The following SLIT3 variants were observed in gnomAD, a reference collection of about 807,000 sequenced individuals.
The protein encoded by SLIT3 is slit guidance ligand 3.
A neutral mutation model predicts 184.0 loss-of-function variants in SLIT3; 68 were observed. That is an observed-to-expected ratio of 0.37 (90% CI 0.30 to 0.45). The LOEUF is 0.45. Among genes scored for constraint, SLIT3 ranks in the 20% least tolerant of loss-of-function variants. SLIT3 has a pLI of 1.00. For synonymous variants in SLIT3, 831 were observed against 828.6 expected (o/e 1.00, Z -0.05); for missense variants, 1,707 against 2,026.0 (o/e 0.84, Z 3.02).
chr5:168,679,101 C>G (rs1004183324), intron 32 of SLIT3, among the ~76,000 whole-genome samples: 2 of 152,210 alleles, frequency 1.3e-5, no homozygotes, highest in African/African-American at 4.8e-5. Flanking sequence ...CTCTCTCACC[C>G]AGGCTGCAGT....
intron 4 of SLIT3, among the ~76,000 whole-genome samples, chr5:169,091,482 G>A (rs565279643): frequency 1.3e-5 from 2 of 152,222 alleles, no homozygotes; most frequent in Admixed American, 1.3e-4. Flanking sequence ...CCAGGTCAAA[G>A]TTCCTCTGGA....
At chr5:168,694,860 C>T (rs1762006785) in intron 28 of SLIT3, among the ~76,000 whole-genome samples, 1 of 152,238 alleles carries the variant, frequency 6.6e-6, no homozygotes, top group African/African-American at 2.4e-5. Context: ...CTCAGGTGAT[C>T]TGCCTGCCTT....
At chr5:168,862,871 C>T (rs890720923) in intron 5 of SLIT3, among the ~76,000 whole-genome samples, 38 of 152,188 alleles carry the variant, frequency 2.5e-4, no homozygotes, top group Non-Finnish European at 4.4e-5. Context: ...GACGGGATTT[C>T]ACCATGTTGG....
At chr5:169,199,863 G>T (rs2077337) in intron 3 of SLIT3, among the ~76,000 whole-genome samples, 1 of 152,134 alleles carries the variant, frequency 6.6e-6, no homozygotes, top group East Asian at 1.9e-4. Flanking sequence ...AGTCCTTTGC[G>T]TCCCAACAGT....
intron 4 of SLIT3, among the ~76,000 whole-genome samples, chr5:168,901,375 A>AAAC (rs1309581254): frequency 6.6e-6 from 1 of 151,322 alleles, no homozygotes; most frequent in Non-Finnish European, 1.5e-5. Context: ...AAACAAAACA[A>AAAC]AACAAAACAA....
intron 14 of SLIT3, among the ~76,000 whole-genome samples, chr5:168,768,485 G>A (rs11746483): frequency 0.58 from 88,187 of 152,008 alleles, 25,801 homozygotes; most frequent in East Asian, 0.68. Context: ...GCCCATACTC[G>A]GGAGCTTCAG....
intron 3 of SLIT3, among the ~76,000 whole-genome samples, chr5:169,240,669 T>C (rs1404345873): frequency 6.6e-6 from 1 of 151,346 alleles, no homozygotes; most frequent in Non-Finnish European, 1.5e-5. Flanking sequence ...TGGTATTTTT[T>C]AAATACACTG....
chr5:168,804,445 G>A (rs1215728443), intron 9 of SLIT3, among the ~76,000 whole-genome samples: 1 of 152,046 alleles, frequency 6.6e-6, no homozygotes, highest in African/African-American at 2.4e-5. Flanking sequence ...ATGTTGGAAG[G>A]CCGTAGGAGG....
chr5:168,952,571 TAA>T (rs70979115), intron 4 of SLIT3, among the ~76,000 whole-genome samples: 20 of 51,724 alleles, frequency 3.9e-4, no homozygotes, highest in East Asian at 9.5e-4. Context: ...CAAAGGGATT[TAA>T]AAAAAAAAAA....
intron 5 of SLIT3, among the ~76,000 whole-genome samples, chr5:168,864,906 G>A (rs1003002701): frequency 2.0e-5 from 3 of 152,010 alleles, no homozygotes; most frequent in African/African-American, 7.3e-5. Flanking sequence ...GGTGGCTCAC[G>A]CCTCTAATCC....
At chr5:169,142,575 CA>C (rs772051092) in intron 4 of SLIT3, among the ~76,000 whole-genome samples, 8 of 152,212 alleles carry the variant, frequency 5.3e-5, no homozygotes, top group Non-Finnish European at 1.0e-4. Context: ...GGTTCCAAGT[CA>C]AACTATGGTG....
chr5:169,205,243 A>G (rs745530720), intron 3 of SLIT3, among the ~76,000 whole-genome samples: 7 of 152,190 alleles, frequency 4.6e-5, no homozygotes, highest in Non-Finnish European at 7.3e-5. Flanking sequence ...ATATAATTCT[A>G]GCTCTGCCCT....
intron 12 of SLIT3, among the ~76,000 whole-genome samples, chr5:168,782,793 G>A (rs1756019317): frequency 6.6e-6 from 1 of 152,190 alleles, no homozygotes; most frequent in Admixed American, 6.5e-5. Context: ...AAGGAGGGAA[G>A]CTGACAGATT....
At chr5:168,785,819 A>C in intron 12 of SLIT3, 88 bp downstream of exon 12, 4 of 928,124 alleles carry the variant, frequency 4.3e-6, no homozygotes, top group Non-Finnish European at 6.9e-6. Flanking sequence ...GAAAGTCAAA[A>C]GAACTCTCCA....
chr5:168,839,161 G>A (rs1433207646), intron 6 of SLIT3, among the ~76,000 whole-genome samples: 3 of 152,122 alleles, frequency 2.0e-5, no homozygotes, highest in Non-Finnish European at 4.4e-5. Context: ...TTAGGTTCGG[G>A]CGTCCTGGAC....
intron 25 of SLIT3, among the ~76,000 whole-genome samples, chr5:168,709,023 T>C (rs1762464219): frequency 6.6e-6 from 1 of 152,000 alleles, no homozygotes; most frequent in Admixed American, 6.5e-5. Flanking sequence ...CTTTCAGTGC[T>C]AAAACCAAGA....
Position 169,207,092 on chromosome 5 carries a change from C to T in SLIT3, c.342-13542G>A, listed in dbSNP as rs1231200459. Among the ~76,000 whole-genome samples, 3 of 151,274 alleles carry T rather than the reference C, an allele frequency of 2.0e-5. No homozygotes were observed. In the East Asian group the frequency reaches 5.8e-4, roughly 29 times the overall value. On this transcript the variant is annotated intron_variant, in intron 3 of 35. Transcript: ENST00000519560. ...TCCAGCACGGGAAGGATTTCTCAAC[C>T]CTCTGGCTATTGCATTTGAACTGAA...
chr5:169,153,205 C>T (rs1284790045), intron 4 of SLIT3, among the ~76,000 whole-genome samples: 1 of 152,178 alleles, frequency 6.6e-6, no homozygotes, highest in Non-Finnish European at 1.5e-5. Context: ...TCCATTTGGG[C>T]CAATGGGGAG....
At chr5:168,708,225 G>A in intron 25 of SLIT3, 125 bp from the exon 26 acceptor site, 1 of 1,325,204 alleles carries the variant, frequency 7.5e-7, no homozygotes, top group Non-Finnish European at 1.1e-6. Context: ...ATGCCCAGAT[G>A]GCAGCTGGCT....
Sources: allele counts gnomAD v4.1 joint callset (sites outside exome capture counted in the v4.1 genomes callset), GRCh38; gene constraint gnomAD v4.1.1; transcripts MANE v1.5; gene names NCBI Gene and HGNC (gene_info 2026-07-23, HGNC 2026-07-21).